The following PTPRT variants were observed in gnomAD, a reference collection of about 807,000 sequenced individuals.
The protein encoded by PTPRT is protein tyrosine phosphatase receptor type T, also known as receptor-type tyrosine-protein phosphatase T.
In PTPRT, 56 loss-of-function variants were observed where a neutral mutation model predicts 176.8. That is an observed-to-expected ratio of 0.32 (90% CI 0.26 to 0.40). PTPRT has a LOEUF of 0.40. PTPRT is among the 10% of genes least tolerant of loss of function. The pLI is 1.00. For missense variants in PTPRT, 1,540 were observed against 1,908.2 expected (o/e 0.81, Z 3.60); for synonymous variants, 783 against 739.0 (o/e 1.06, Z -0.96).
At chr20:42,280,467 A>G (rs2057120775) in intron 13 of PTPRT, among the ~76,000 whole-genome samples, 1 of 152,160 alleles carries the variant, frequency 6.6e-6, no homozygotes, top group African/African-American at 2.4e-5. Flanking sequence ...TTGGAAAACC[A>G]GAATGCGGAT....
At chr20:42,063,544 C>T in the PTPRT span, 4 of 152,272 alleles carry the variant, frequency 2.6e-5, no homozygotes, top group East Asian at 7.7e-4. Flanking sequence ...TAGCAGGAAT[C>T]GGAGGGAAGC....
chr20:42,597,441 C>T (rs751545240), intron 7 of PTPRT, among the ~76,000 whole-genome samples: 6 of 152,098 alleles, frequency 3.9e-5, no homozygotes, highest in Non-Finnish European at 7.4e-5. Flanking sequence ...CTTGTAATCC[C>T]AATGTTGGAA....
At chr20:43,130,989 C>T (rs1043975197) in intron 1 of PTPRT, among the ~76,000 whole-genome samples, 2 of 152,206 alleles carry the variant, frequency 1.3e-5, no homozygotes, top group Non-Finnish European at 2.9e-5. Context: ...CCAGGATCTC[C>T]ACCTGACGCC....
At chr20:42,135,466 C>T (rs1410392339) in intron 18 of PTPRT, among the ~76,000 whole-genome samples, 2 of 152,184 alleles carry the variant, frequency 1.3e-5, no homozygotes, top group Admixed American at 1.3e-4. Context: ...TGGGGTGGGG[C>T]CCATCAATAT....
intron 1 of PTPRT, among the ~76,000 whole-genome samples, chr20:42,982,972 C>A (rs1447755826): frequency 6.6e-6 from 1 of 152,222 alleles, no homozygotes; most frequent in Non-Finnish European, 1.5e-5. Flanking sequence ...CCCAAGGTCA[C>A]ACGGCCAGCC....
intron 1 of PTPRT, among the ~76,000 whole-genome samples, chr20:43,113,427 G>A (rs1031037577): frequency 1.3e-5 from 2 of 152,188 alleles, no homozygotes; most frequent in African/African-American, 4.8e-5. Flanking sequence ...TTATAGAACA[G>A]TTCACATTGG....
At chr20:42,875,243 T>G (rs2078911409) in intron 2 of PTPRT, among the ~76,000 whole-genome samples, 1 of 152,242 alleles carries the variant, frequency 6.6e-6, no homozygotes, top group Non-Finnish European at 1.5e-5. Context: ...ATGTTGCTTT[T>G]CAAAGCCATT....
chr20:42,380,344 T>C (rs1396485922), intron 9 of PTPRT, among the ~76,000 whole-genome samples: 1 of 152,064 alleles, frequency 6.6e-6, no homozygotes, highest in East Asian at 1.9e-4. Flanking sequence ...CACTGACTGG[T>C]AGGCTATGCA....
Position 42,896,635 on chromosome 20 carries a change from CAA to C in PTPRT, c.89-10705_89-10704del, listed in dbSNP as rs58679220. Among the ~76,000 whole-genome samples, 374 of 72,292 alleles carry C rather than the reference CAA, an allele frequency of 5.2e-3. 3 individuals carry two copies. Among genetic ancestry groups the C allele is most frequent in the African/African-American group, 0.013 (303 of 22,680 alleles). The allele number at this position is 72,292 out of a possible 152,430, so 47.4% of individuals were successfully genotyped here. On this transcript the variant is annotated intron_variant, in intron 1 of 30. Transcript: ENST00000373187. ...AAGCAACATGAGCACAACTCCGTCT[CAA>C]AAAAAAAAAAAAAAAAAATAGAAAT...
At chr20:42,553,689 T>C (rs1230749204) in intron 7 of PTPRT, among the ~76,000 whole-genome samples, 1 of 152,134 alleles carries the variant, frequency 6.6e-6, no homozygotes, top group Non-Finnish European at 1.5e-5. Context: ...TTATTTTTGT[T>C]CTCACTCAGT....
intron 7 of PTPRT, among the ~76,000 whole-genome samples, chr20:42,587,258 C>T (rs765276721): frequency 2.0e-5 from 3 of 152,186 alleles, no homozygotes; most frequent in Non-Finnish European, 2.9e-5. Context: ...TTGTTTCCCA[C>T]GGTGGGCTGG....
At chr20:42,826,525 G>A (rs73271725) in intron 2 of PTPRT, among the ~76,000 whole-genome samples, 3,355 of 152,254 alleles carry the variant, frequency 0.022, 112 homozygotes, top group African/African-American at 0.075. Context: ...AACAGGGAGG[G>A]GAAAAGTGCA....
At chr20:42,789,040 G>A (rs1371184466) in intron 3 of PTPRT, among the ~76,000 whole-genome samples, 1 of 152,132 alleles carries the variant, frequency 6.6e-6, no homozygotes, top group East Asian at 1.9e-4. Flanking sequence ...ATTCACTTAA[G>A]AATGTTTGGA....
At chr20:42,572,752 C>G (rs2073179230) in intron 7 of PTPRT, among the ~76,000 whole-genome samples, 1 of 152,144 alleles carries the variant, frequency 6.6e-6, no homozygotes, top group East Asian at 1.9e-4. Flanking sequence ...GCACATAGCA[C>G]AATCTCTATG....
intron 7 of PTPRT, among the ~76,000 whole-genome samples, chr20:42,642,477 A>G (rs911164079): frequency 4.6e-5 from 7 of 152,170 alleles, no homozygotes; most frequent in African/African-American, 1.7e-4. Flanking sequence ...CTTGATGGTG[A>G]CAACAATGAT....
chr20:42,122,265 T>C (rs1987630376), intron 19 of PTPRT, among the ~76,000 whole-genome samples: 1 of 152,256 alleles, frequency 6.6e-6, no homozygotes, highest in South Asian at 2.1e-4. Flanking sequence ...TGCCAGGCAC[T>C]ATTCTAAGAT....
At chr20:42,966,682 C>T (rs1042176106) in intron 1 of PTPRT, among the ~76,000 whole-genome samples, 5 of 152,162 alleles carry the variant, frequency 3.3e-5, no homozygotes, top group East Asian at 1.9e-4. Context: ...CTGCTTCCCC[C>T]GCAACAGAGT....
chr20:42,893,717 T>C (rs1320670977), intron 1 of PTPRT, among the ~76,000 whole-genome samples: 2 of 151,744 alleles, frequency 1.3e-5, no homozygotes, highest in Admixed American at 1.3e-4. Flanking sequence ...TGTAGGGACA[T>C]GGATGAAATT....
chr20:42,382,832 C>T (rs1427997244), intron 9 of PTPRT, among the ~76,000 whole-genome samples: 1 of 152,168 alleles, frequency 6.6e-6, no homozygotes, highest in Non-Finnish European at 1.5e-5. Context: ...TAGGTGGTCA[C>T]TATTGCTCCT....
Sources: allele counts gnomAD v4.1 joint callset (sites outside exome capture counted in the v4.1 genomes callset), GRCh38; gene constraint gnomAD v4.1.1; transcripts MANE v1.5; gene names NCBI Gene and HGNC (gene_info 2026-07-23, HGNC 2026-07-21).